Variants in RABGAP1 observed in about 807,000 individuals in gnomAD.
RABGAP1 encodes the protein RAB GTPase activating protein 1, also known as rab GTPase-activating protein 1.
RABGAP1 carries 23 observed loss-of-function variants against 137.6 expected under a neutral mutation model. The observed-to-expected ratio is 0.17, with a 90% CI of 0.12 to 0.24. The LOEUF is 0.24. Among genes scored for constraint, RABGAP1 ranks in the 10% least tolerant of loss-of-function variants. The pLI is 1.00. For synonymous variants in RABGAP1, 451 were observed against 450.7 expected, an observed-to-expected ratio of 1.00 and a Z score of -0.01; for missense variants, 906 against 1,275.8, an observed-to-expected ratio of 0.71 and a Z score of 4.42.
chr9:122,976,596 A>G (rs1835771688), intron 2 of RABGAP1, among the ~76,000 whole-genome samples: 2 of 152,242 alleles, frequency 1.3e-5, no homozygotes, highest in South Asian at 4.1e-4. Context: ...GTAGGATAAA[A>G]TCATACTGCT....
intron 19 of RABGAP1, among the ~76,000 whole-genome samples, chr9:123,082,727 G>GA (rs11463473): frequency 0.98 from 148,803 of 152,298 alleles, 72,794 homozygotes; most frequent in Non-Finnish European, 1. Flanking sequence ...AACACAACGT[G>GA]ATGTGCCAGA....
the RABGAP1 span, among the ~76,000 whole-genome samples, chr9:122,933,496 C>T: frequency 1.6e-4 from 24 of 150,608 alleles, no homozygotes; most frequent in African/African-American, 5.4e-4. Context: ...CTGTGTCACC[C>T]AGGCTGGAGT....
intron 10 of RABGAP1, among the ~76,000 whole-genome samples, chr9:123,004,952 A>G (rs2131850059): frequency 6.7e-6 from 1 of 148,912 alleles, no homozygotes; most frequent in South Asian, 2.2e-4. Context: ...GCTACTCGGG[A>G]GGCCGAGGCA....
intron 21 of RABGAP1, among the ~76,000 whole-genome samples, chr9:123,093,628 G>C (rs1175189692): frequency 6.6e-6 from 1 of 152,206 alleles, no homozygotes; most frequent in Non-Finnish European, 1.5e-5. Context: ...ACCCTAAATT[G>C]GCGGGTTCAC....
intron 21 of RABGAP1, among the ~76,000 whole-genome samples, chr9:123,095,541 A>T (rs2035156873): frequency 6.6e-6 from 1 of 152,176 alleles, no homozygotes; most frequent in African/African-American, 2.4e-5. Flanking sequence ...CTCTACAAAA[A>T]ATTTTTGAAA....
At chr9:123,089,034 A>T (rs117665757) in intron 19 of RABGAP1, among the ~76,000 whole-genome samples, 2,452 of 152,042 alleles carry the variant, frequency 0.016, 36 homozygotes, top group South Asian at 0.068. Flanking sequence ...GGAGGTGAAG[A>T]TATAGGCCTG....
chr9:123,081,046 C>A (rs939677192), intron 19 of RABGAP1, among the ~76,000 whole-genome samples: 1 of 152,196 alleles, frequency 6.6e-6, no homozygotes, highest in African/African-American at 2.4e-5. Context: ...TCAGCCTACC[C>A]ATCATGAGGA....
chr9:122,965,568 A>G (rs1457533782), intron 2 of RABGAP1, among the ~76,000 whole-genome samples: 1 of 151,906 alleles, frequency 6.6e-6, no homozygotes, highest in Non-Finnish European at 1.5e-5. Flanking sequence ...ATTTTTAGTA[A>G]AGGTGGGGTT....
At position 122,996,162 on chromosome 9, in the gene RABGAP1, T is replaced by G; in HGVS notation, c.1034+11T>G. 6.2e-7 allele frequency: 1 copy of G among 1,603,278 alleles called. No individual in the cohort carries two copies. The highest frequency in any genetic ancestry group is 8.5e-7 in the Non-Finnish European group (1 of 1,177,024). On this transcript the variant is annotated intron_variant, in intron 7 of 25. Coordinates refer to ENST00000373647, the MANE Select transcript of RABGAP1 (RefSeq NM_012197.4). Reference sequence around the variant, plus strand: ...ACTTGCCATTGAAAGGTAAGCATTTTTAGTAAGTTTAGCTTAAATATAAAT... The same window carrying G: ...ACTTGCCATTGAAAGGTAAGCATTTGTAGTAAGTTTAGCTTAAATATAAAT...
At chr9:122,954,008 C>T (rs1050039997) in intron 1 of RABGAP1, among the ~76,000 whole-genome samples, 11 of 152,054 alleles carry the variant, frequency 7.2e-5, no homozygotes, top group Non-Finnish European at 2.9e-5. Context: ...ATATGTCAAG[C>T]GGTTATAGGT....
intron 3 of RABGAP1, among the ~76,000 whole-genome samples, chr9:122,985,769 T>C (rs1438755668): frequency 2.0e-5 from 3 of 152,188 alleles, no homozygotes; most frequent in Non-Finnish European, 4.4e-5. Context: ...AGACCGACTC[T>C]AATAGCACTA....
At chr9:123,018,748 T>C (rs969214781) in intron 12 of RABGAP1, among the ~76,000 whole-genome samples, 2 of 152,252 alleles carry the variant, frequency 1.3e-5, no homozygotes, top group Non-Finnish European at 2.9e-5. Context: ...TTAAATGTGC[T>C]GTGCAGAATT....
intron 13 of RABGAP1, among the ~76,000 whole-genome samples, chr9:123,046,845 T>G (rs918640475): frequency 1.6e-4 from 24 of 152,142 alleles, no homozygotes; most frequent in Non-Finnish European, 2.8e-4. Context: ...TCTGAGAAAA[T>G]GAATGACATA....
chr9:122,973,929 G>A (rs1365709502), intron 2 of RABGAP1, among the ~76,000 whole-genome samples: 1 of 151,884 alleles, frequency 6.6e-6, no homozygotes, highest in Non-Finnish European at 1.5e-5. Context: ...AGAATTGCTT[G>A]AACCCGGGAG....
intron 13 of RABGAP1, among the ~76,000 whole-genome samples, chr9:123,033,140 AAATT>A (rs1360296760): frequency 4.6e-5 from 7 of 152,204 alleles, no homozygotes; most frequent in Non-Finnish European, 7.3e-5. Context: ...ATGAGAGACA[AAATT>A]AATGGTGAAT....
intron 17 of RABGAP1, among the ~76,000 whole-genome samples, chr9:123,075,986 A>C (rs1165809751): frequency 1.3e-5 from 2 of 152,186 alleles, no homozygotes; most frequent in Non-Finnish European, 2.9e-5. Flanking sequence ...GGAAGCATGG[A>C]ATGCTTTGGA....
chr9:123,040,822 C>T (rs1158966728), intron 13 of RABGAP1, among the ~76,000 whole-genome samples: 1 of 152,034 alleles, frequency 6.6e-6, no homozygotes, highest in Non-Finnish European at 1.5e-5. Context: ...ATATTAATGT[C>T]AGATAATGTC....
In RABGAP1 at chr9:122,996,603, T is replaced by A; in HGVS notation, c.1099T>A (p.Leu367Met). 6.3e-7 allele frequency: 1 copy of A among 1,596,440 alleles called. No individual in the cohort carries two copies. Among genetic ancestry groups the A allele is most frequent in the South Asian group, 1.1e-5 (1 of 88,750 alleles). ...AAATAGTGACATGCACTTATTAGATTTGGTAAGAATTTATTTTTATTAGAA... is the reference window on the plus strand; with the variant it reads ...AAATAGTGACATGCACTTATTAGATATGGTAAGAATTTATTTTTATTAGAA... Reference protein sequence around the residue: ...VRNSDMHLLDLESMGKSSDGK... With the variant: ...VRNSDMHLLDMESMGKSSDGK... The change falls in exon 8 of 26, where the codon TTG (leucine) becomes ATG (methionine). Residue 367 changes from leucine to methionine, a missense_variant and splice_region_variant. Physicochemically the swap from Leu to Met is conservative, Grantham distance 15 (BLOSUM62 2). This residue lies in a region of RABGAP1 where 212 missense variants were observed against 289.4 expected (regional missense o/e 0.73). Coordinates refer to ENST00000373647, the MANE Select transcript of RABGAP1 (RefSeq NM_012197.4).
chr9:123,031,551 G>A (rs2032298991), intron 13 of RABGAP1, among the ~76,000 whole-genome samples: 1 of 152,090 alleles, frequency 6.6e-6, no homozygotes. Flanking sequence ...AAGTTTAGGT[G>A]GTAATCATCT....
Sources: allele counts gnomAD v4.1 joint callset (sites outside exome capture counted in the v4.1 genomes callset), GRCh38; gene constraint gnomAD v4.1.1; regional missense constraint gnomAD v4.1.1; transcripts MANE v1.5; gene names NCBI Gene and HGNC (gene_info 2026-07-23, HGNC 2026-07-21).